The following ACSBG1 variants were observed in gnomAD, a reference collection of about 807,000 sequenced individuals.
The protein encoded by ACSBG1 is long-chain-fatty-acid--CoA ligase ACSBG1.
A neutral mutation model predicts 80.2 loss-of-function variants in ACSBG1; 39 were observed. That is an observed-to-expected ratio of 0.49 (90% CI 0.38 to 0.64). The LOEUF is 0.64. Ranked by LOEUF, ACSBG1 falls within the 30% of genes least tolerant of loss-of-function variation. ACSBG1 has a pLI of 0.00. For synonymous variants in ACSBG1, 392 were observed against 379.5 expected, an observed-to-expected ratio of 1.03 and a Z score of -0.38; for missense variants, 828 against 966.4, an observed-to-expected ratio of 0.86 and a Z score of 1.90.
chr15:78,233,815 G>A (rs1320345487), intron 1 of ACSBG1, among the ~76,000 whole-genome samples: 1 of 152,218 alleles, frequency 6.6e-6, no homozygotes, highest in East Asian at 1.9e-4. Flanking sequence ...GGGCCAGGGT[G>A]GGCATTGGTG....
chr15:78,172,162 T>G lies in ACSBG1; in HGVS notation c.2090-633A>C, dbSNP rs1287133531. Among the ~76,000 whole-genome samples, 2 of 152,238 alleles carry G rather than the reference T, an allele frequency of 1.3e-5. No individual in the cohort carries two copies. Among genetic ancestry groups the G allele is most frequent in the Non-Finnish European group, 2.9e-5 (2 of 68,038 alleles). On this transcript the variant is annotated intron_variant, in intron 13 of 13. Coordinates refer to ENST00000258873, the MANE Select transcript of ACSBG1 (RefSeq NM_015162.5). The surrounding 1 kb of genome is among the most constrained non-coding windows in gnomAD (Gnocchi z 4.1). ...GTGACTGCACCCAGCTCACATTGAC[T>G]GTAATCCCGTGAGACCCAAGCCAGA...
chr15:78,230,906 C>A (rs1314011085), intron 1 of ACSBG1, among the ~76,000 whole-genome samples: 2 of 152,200 alleles, frequency 1.3e-5, no homozygotes, highest in Non-Finnish European at 2.9e-5. Flanking sequence ...CTGGAGTTGG[C>A]CCAGAGGAGC....
At chr15:78,193,434 C>T (rs999603605) in intron 5 of ACSBG1, 72 bp downstream of exon 5, 20 of 1,542,808 alleles carry the variant, frequency 1.3e-5, no homozygotes, top group East Asian at 4.6e-5. Flanking sequence ...GGGAAGGTTC[C>T]GTGTGAGTTG....
chr15:78,212,367 C>T (rs1294916365), intron 1 of ACSBG1, among the ~76,000 whole-genome samples: 1 of 152,260 alleles, frequency 6.6e-6, no homozygotes, highest in African/African-American at 2.4e-5. Context: ...TACGCATGAG[C>T]TCTCATGGAT....
At position 78,234,396 on chromosome 15, in the gene ACSBG1, T is replaced by C. The variant is rs1202879983; in HGVS notation, c.106A>G (p.Thr36Ala). 25 of 1,612,306 alleles carry C rather than the reference T, an allele frequency of 1.6e-5. No homozygotes were observed. Among genetic ancestry groups the C allele is most frequent in the Non-Finnish European group, 2.0e-5 (24 of 1,180,014 alleles). The change falls in exon 1 of 14, where the codon ACC becomes GCC. Residue 36 changes from threonine to alanine, a missense_variant. By Grantham distance (58) the Thr-to-Ala change is moderately conservative. Transcript: ENST00000258873. ...QESRQDMIVR[T>A]TQEKLKTSSL... ...CTGGTTTTCAATTTTTCTTGGGTGG[T>C]CCTCACAATCATGTCCTGCCGGCTC...
intron 1 of ACSBG1, among the ~76,000 whole-genome samples, chr15:78,233,451 G>A (rs1418524944): frequency 1.3e-5 from 2 of 152,114 alleles, no homozygotes; most frequent in East Asian, 3.9e-4. Context: ...CAGAGGACTT[G>A]GACCCTGGTA....
rs1381644013 is a variant in ACSBG1 at position 78,179,763 on chromosome 15, G to A, written c.1271C>T (p.Thr424Ile). 1.1e-5 allele frequency: 18 copies of A among 1,613,362 alleles called. No individual in the cohort carries two copies. Among genetic ancestry groups the A allele is most frequent in the Non-Finnish European group, 1.5e-5 (18 of 1,179,956 alleles). The change falls in exon 10 of 14, where the codon ACA becomes ATA. Residue 424 changes from threonine (T) to isoleucine (I), a missense_variant. By Grantham distance (89) the Thr-to-Ile change is moderately conservative. This residue lies in a region of ACSBG1 where 271 missense variants were observed against 375.9 expected (regional missense o/e 0.72). Transcript: ENST00000258873. Reference protein sequence around the residue: ...TCPGSDLKPFTTRLADYLVLA... With the variant: ...TCPGSDLKPFITRLADYLVLA... ...CACCAGGTAATCTGCCAGTCTGGTT[G>A]TGAAGGGCTTCAGGTCGCTGGTGGG...
At chr15:78,209,423 G>A (rs1595897014) in intron 1 of ACSBG1, among the ~76,000 whole-genome samples, 1 of 152,324 alleles carries the variant, frequency 6.6e-6, no homozygotes, top group Non-Finnish European at 1.5e-5. Context: ...CTCCAGGGAG[G>A]TTGTGGAAAA....
chr15:78,230,671 T>G (rs1054922704), intron 1 of ACSBG1, among the ~76,000 whole-genome samples: 1 of 152,194 alleles, frequency 6.6e-6, no homozygotes, highest in Non-Finnish European at 1.5e-5. Flanking sequence ...CTCGTTACAG[T>G]AAGTCGCACA....
At chr15:78,232,110 G>C (rs908895929) in intron 1 of ACSBG1, among the ~76,000 whole-genome samples, 4 of 152,208 alleles carry the variant, frequency 2.6e-5, no homozygotes, top group African/African-American at 9.7e-5. Context: ...TGCTATGAGA[G>C]TTACTATGCC....
chr15:78,199,204 T>C (rs1199614048), intron 2 of ACSBG1, among the ~76,000 whole-genome samples: 1 of 151,996 alleles, frequency 6.6e-6, no homozygotes, highest in African/African-American at 2.4e-5. Context: ...CTTAGCCTCC[T>C]GAGTAGCTGA....
chr15:78,198,240 T>C lies in ACSBG1; in HGVS notation c.233-3514A>G, dbSNP rs556663196. ...TTTTTTGGTGGAGACAGGGTTTCAC[T>C]GTGTTGGCCAGGCTGGTCTCGAACT... On this transcript the variant is annotated intron_variant, in intron 2 of 13. Coordinates refer to ENST00000258873, the MANE Select transcript of ACSBG1 (RefSeq NM_015162.5). Among the ~76,000 whole-genome samples the C allele has an allele frequency of 4.6e-5, 7 of 152,248 alleles. No homozygotes were observed. The East Asian group carries it at 1.4e-3, about 29-fold the overall frequency.
intron 2 of ACSBG1, chr15:78,207,753 C>T (rs2075228844): frequency 3.8e-6 from 2 of 530,430 alleles, no homozygotes; most frequent in African/African-American, 1.9e-5. Flanking sequence ...TCTCTGGCCT[C>T]TCTTCTTCCC....
At chr15:78,227,058 A>G (rs968491857) in intron 1 of ACSBG1, among the ~76,000 whole-genome samples, 1 of 150,882 alleles carries the variant, frequency 6.6e-6, no homozygotes, top group African/African-American at 2.4e-5. Flanking sequence ...GGTCTCTACT[A>G]AAAATACAAA....
At chr15:78,206,866 G>A (rs1336164790) in intron 2 of ACSBG1, among the ~76,000 whole-genome samples, 1 of 152,214 alleles carries the variant, frequency 6.6e-6, no homozygotes, top group Non-Finnish European at 1.5e-5. Flanking sequence ...GGGACACGGA[G>A]CCTCCCCCAC....
intron 2 of ACSBG1, among the ~76,000 whole-genome samples, chr15:78,194,997 C>T (rs1209997907): frequency 6.6e-6 from 1 of 152,252 alleles, no homozygotes; most frequent in Non-Finnish European, 1.5e-5. Context: ...AAGTCCTAGA[C>T]ACTCTGTTCC....
intron 8 of ACSBG1, among the ~76,000 whole-genome samples, chr15:78,181,489 CTTTTTTTTTTTTTTT>C (rs71145901): frequency 6.4e-4 from 53 of 83,040 alleles, no homozygotes; most frequent in Non-Finnish European, 1.1e-3. Context: ...CATCAGGTTT[CTTTTTTTTTTTTTTT>C]TTTTTTTTTG....
rs772852611 is a variant in ACSBG1, at chr15:78,193,477, A to AC, written c.663+28dup. 1.4e-4 allele frequency: 230 copies of AC among 1,589,470 alleles called. No homozygotes were observed. The African/African-American group carries it at 2.7e-3, about 18-fold the overall frequency. On this transcript the variant is annotated intron_variant, in intron 5 of 13. Transcript: ENST00000258873. ...GGTGCATGGGGATACCCAGCATCTGACCCCATGCCCACTGCCTCTTCCCCA... is the reference window on the plus strand; with the variant it reads ...GGTGCATGGGGATACCCAGCATCTGACCCCCATGCCCACTGCCTCTTCCCCA...
At chr15:78,234,100 CAACT>C (rs2075472792) in intron 1 of ACSBG1, among the ~76,000 whole-genome samples, 2 of 152,206 alleles carry the variant, frequency 1.3e-5, no homozygotes, top group Non-Finnish European at 2.9e-5. Flanking sequence ...CTCCTCCATC[CAACT>C]GAGATCCAAC....
Sources: gnomAD v4.1 joint callset for allele counts (sites outside exome capture counted in the v4.1 genomes callset) on GRCh38, gnomAD v4.1.1 for gene constraint, gnomAD v4.1.1 regional missense constraint, Gnocchi (gnomAD v3.1) non-coding constraint, MANE v1.5 for transcripts, NCBI Gene and HGNC (gene_info 2026-07-23, HGNC 2026-07-21) for gene names.